The following GLI3 variants were observed in gnomAD, a reference collection of about 807,000 sequenced individuals.
The protein encoded by GLI3 is transcription activator GLI3.
In GLI3, 20 loss-of-function variants were observed where a neutral mutation model predicts 100.8. That is an observed-to-expected ratio of 0.20 (90% CI 0.14 to 0.29). GLI3 has a LOEUF of 0.29. Ranked by LOEUF, GLI3 falls within the 10% of genes least tolerant of loss-of-function variation. The pLI, the probability that GLI3 is intolerant of heterozygous loss-of-function variation, is 1.00. For synonymous variants in GLI3, 938 were observed against 860.5 expected, an observed-to-expected ratio of 1.09 and a Z score of -1.58; for missense variants, 2,040 against 2,128.5, an observed-to-expected ratio of 0.96 and a Z score of 0.82.
In GLI3 at chr7:41,972,568, G is replaced by C. The variant is rs771942710; in HGVS notation, c.1872C>G (p.Leu624=). 6.2e-7 allele frequency: 1 copy of C among 1,610,838 alleles called. No individual in the cohort carries two copies. Among genetic ancestry groups the C allele is most frequent in the Non-Finnish European group, 8.5e-7 (1 of 1,179,930 alleles). ...CTKRYTDPSS[L]RKHVKTVHGP... ...CATGCACTGTCTTCACATGTTTCCGGAGGGAGCTTGGGTCTGTGTAACGCT... is the reference window on the plus strand; with the variant it reads ...CATGCACTGTCTTCACATGTTTCCGCAGGGAGCTTGGGTCTGTGTAACGCT... The change falls in exon 13 of 15, where the codon CTC becomes CTG. Residue 624 remains leucine (L), a synonymous_variant. Transcript: ENST00000395925. This position sits in a 1 kb window ranked among gnomAD's most constrained non-coding sequence, Gnocchi z 4.4.
At chr7:42,192,835 T>C (rs1787853951) in intron 2 of GLI3, among the ~76,000 whole-genome samples, 1 of 152,204 alleles carries the variant, frequency 6.6e-6, no homozygotes, top group South Asian at 2.1e-4. Flanking sequence ...CCTTTGGCAG[T>C]CCCTTCTCTA....
chr7:42,038,319 T>G (rs1303319201), intron 7 of GLI3, among the ~76,000 whole-genome samples: 5 of 152,150 alleles, frequency 3.3e-5, no homozygotes, highest in Non-Finnish European at 5.9e-5. Context: ...GGATGAACCA[T>G]CCCAGCTCAG....
chr7:42,109,482 T>C lies in GLI3; in HGVS notation c.368-32625A>G, dbSNP rs116211766. ...TGGGAGGAAAGTGGCCTAGAGACTG[T>C]AATGAATGAGAGCATAATGTCCTGC... On this transcript the variant is annotated intron_variant, in intron 3 of 14. Coordinates refer to ENST00000395925, the MANE Select transcript of GLI3 (RefSeq NM_000168.6). 3.8e-3 allele frequency among the ~76,000 whole-genome samples: 582 copies of C among 152,260 alleles called. 2 individuals carry two copies. Among genetic ancestry groups the C allele is most frequent in the African/African-American group, 0.013 (560 of 41,544 alleles).
At chr7:41,974,986 C>T (rs1012348365) in intron 12 of GLI3, among the ~76,000 whole-genome samples, 78 of 152,272 alleles carry the variant, frequency 5.1e-4, no homozygotes, top group Non-Finnish European at 4.4e-5. Flanking sequence ...AGAACTGACA[C>T]TTACACAACC....
chr7:42,115,809 G>A (rs893834811), intron 3 of GLI3, among the ~76,000 whole-genome samples: 6 of 152,160 alleles, frequency 3.9e-5, no homozygotes, highest in African/African-American at 1.2e-4. Flanking sequence ...TCCCCTCTGA[G>A]AGTGGGAAGG....
At chr7:41,997,816 A>G (rs188033833) in intron 10 of GLI3, among the ~76,000 whole-genome samples, 55 of 152,278 alleles carry the variant, frequency 3.6e-4, no homozygotes, top group African/African-American at 1.3e-3. Context: ...GGTGCAACAT[A>G]AATATATAAC....
At chr7:42,154,120 TTGCTA>T (rs1332491249) in intron 2 of GLI3, among the ~76,000 whole-genome samples, 2 of 151,518 alleles carry the variant, frequency 1.3e-5, no homozygotes, top group African/African-American at 4.8e-5. Flanking sequence ...AGGAATGACA[TTGCTA>T]TGCACAGAAA....
rs1198393308 is a variant in GLI3, at chr7:42,168,010, T to C, written c.125-19542A>G. Reference sequence around the variant, plus strand: ...CTAGTAAACCTAGGAAGGTTGCTTATAAGACCAACAAGTTAATAAACTCCT... The same window carrying C: ...CTAGTAAACCTAGGAAGGTTGCTTACAAGACCAACAAGTTAATAAACTCCT... On this transcript the variant is annotated intron_variant, in intron 2 of 14. Coordinates refer to ENST00000395925, the MANE Select transcript of GLI3 (RefSeq NM_000168.6). 3.9e-5 allele frequency among the ~76,000 whole-genome samples: 6 copies of C among 152,192 alleles called. No homozygotes were observed. In the East Asian group the frequency reaches 1.2e-3, roughly 29 times the overall value.
chr7:42,175,167 G>A (rs1406308152), intron 2 of GLI3, among the ~76,000 whole-genome samples: 2 of 152,148 alleles, frequency 1.3e-5, no homozygotes, highest in Non-Finnish European at 2.9e-5. Flanking sequence ...GATCAACAAA[G>A]TGATAAATGC....
chr7:42,045,870 T>C (rs1784234746), intron 5 of GLI3, among the ~76,000 whole-genome samples: 1 of 152,212 alleles, frequency 6.6e-6, no homozygotes, highest in Non-Finnish European at 1.5e-5. Context: ...AATCACTGTA[T>C]GTTTGCATTT....
At chr7:42,134,675 C>G (rs376816958) in intron 3 of GLI3, among the ~76,000 whole-genome samples, 1 of 152,062 alleles carries the variant, frequency 6.6e-6, no homozygotes, top group African/African-American at 2.4e-5. Flanking sequence ...TATGACAGCA[C>G]GTGCCAACAT....
At chr7:42,170,850 G>A (rs1192458924) in intron 2 of GLI3, among the ~76,000 whole-genome samples, 1 of 152,180 alleles carries the variant, frequency 6.6e-6, no homozygotes, top group East Asian at 1.9e-4. Flanking sequence ...GTAGGGGTGG[G>A]AAGGAGGTAT....
chr7:42,070,733 T>A (rs186226403), intron 4 of GLI3, among the ~76,000 whole-genome samples: 1 of 152,370 alleles, frequency 6.6e-6, no homozygotes, highest in African/African-American at 2.4e-5. Context: ...TCTATTCATC[T>A]CTTTTTTGCC....
chr7:41,972,370 G>A lies in GLI3; in HGVS notation c.2070C>T (p.Leu690=). Residue 690 remains leucine, a synonymous_variant, in exon 13 of 15, where the codon CTC becomes CTT. Coordinates refer to ENST00000395925, the MANE Select transcript of GLI3 (RefSeq NM_000168.6). The surrounding 1 kb of genome is among the most constrained non-coding windows in gnomAD (Gnocchi z 4.4). ...SNTTSKREEC[L]QVKTVKAEKP... is the part of the protein sequence containing the mutation. ...TCTCTGCCTTGACGGTTTTCACCTGGAGGCATTCTTCCCGCTTTGAGGTAG... is the reference window on the plus strand; with the variant it reads ...TCTCTGCCTTGACGGTTTTCACCTGAAGGCATTCTTCCCGCTTTGAGGTAG... 6.2e-7 allele frequency: 1 copy of A among 1,614,036 alleles called. No homozygotes were observed. Among genetic ancestry groups the A allele is most frequent in the Non-Finnish European group, 8.5e-7 (1 of 1,179,994 alleles).
intron 1 of GLI3, among the ~76,000 whole-genome samples, chr7:42,227,275 A>G (rs563065819): frequency 7.6e-4 from 116 of 151,728 alleles, no homozygotes; most frequent in Non-Finnish European, 1.4e-3. Flanking sequence ...TTCATGCTTA[A>G]GGGGAAAAAT....
At chr7:42,104,532 A>G (rs538965061) in intron 3 of GLI3, among the ~76,000 whole-genome samples, 3 of 152,334 alleles carry the variant, frequency 2.0e-5, no homozygotes, top group South Asian at 2.1e-4. Flanking sequence ...TGAGATTACT[A>G]TGTGTAATGG....
intron 1 of GLI3, among the ~76,000 whole-genome samples, chr7:42,262,017 CCTCT>C (rs768412101): frequency 6.7e-5 from 8 of 119,754 alleles, no homozygotes; most frequent in Non-Finnish European, 1.1e-4. Flanking sequence ...TTCTTTCCTT[CCTCT>C]CTCTCTCTCT....
At chr7:42,048,114 C>A (rs1390275278) in intron 5 of GLI3, among the ~76,000 whole-genome samples, 1 of 152,174 alleles carries the variant, frequency 6.6e-6, no homozygotes, top group East Asian at 1.9e-4. Context: ...GTTACACATG[C>A]ACGTGTGTGA....
At chr7:42,245,082 C>T (rs1788958402) in intron 1 of GLI3, among the ~76,000 whole-genome samples, 1 of 152,210 alleles carries the variant, frequency 6.6e-6, no homozygotes, top group Admixed American at 6.5e-5. Context: ...CAGGAGCCTT[C>T]ACAAAAGGCT....
Sources: allele counts gnomAD v4.1 joint callset (sites outside exome capture counted in the v4.1 genomes callset), GRCh38; gene constraint gnomAD v4.1.1; non-coding constraint Gnocchi (gnomAD v3.1); transcripts MANE v1.5; gene names NCBI Gene and HGNC (gene_info 2026-07-23, HGNC 2026-07-21).